Variants in AIG1 observed in about 807,000 individuals in gnomAD.
The protein encoded by AIG1 is androgen induced 1.
AIG1 carries 23 observed loss-of-function variants against 31.4 expected under a neutral mutation model. That is an observed-to-expected ratio of 0.73 (90% CI 0.53 to 1.04). The LOEUF is 1.04. Ranked by LOEUF, AIG1 falls within the 50% of genes least tolerant of loss-of-function variation. AIG1 has a pLI of 0.00. For missense variants in AIG1, 274 were observed against 295.0 expected (o/e 0.93, Z 0.52); for synonymous variants, 100 against 110.5 (o/e 0.90, Z 0.60).
rs1777192359 is a variant in AIG1 at position 143,070,971 on chromosome 6, C to T, written c.141+9905C>T. On this transcript the variant is annotated intron_variant, in intron 1 of 5. Transcript: ENST00000357847. Reference sequence around the variant, plus strand: ...CACCCACTTTCTCCCAGTGGTTACACCTTGCAAAACTGTATTATAATATCA... The same window carrying T: ...CACCCACTTTCTCCCAGTGGTTACATCTTGCAAAACTGTATTATAATATCA... 3.3e-5 allele frequency among the ~76,000 whole-genome samples: 5 copies of T among 152,180 alleles called. No homozygotes were observed. In the South Asian group the frequency reaches 1.0e-3, roughly 32 times the overall value.
At chr6:143,198,050 G>A (rs1253762233) in intron 3 of AIG1, among the ~76,000 whole-genome samples, 1 of 152,182 alleles carries the variant, frequency 6.6e-6, no homozygotes, top group Admixed American at 6.5e-5. Flanking sequence ...TACAGCAATA[G>A]TGGATATTTT....
chr6:143,139,573 C>T (rs1044116999), intron 2 of AIG1, among the ~76,000 whole-genome samples: 1 of 151,976 alleles, frequency 6.6e-6, no homozygotes, highest in Non-Finnish European at 1.5e-5. Context: ...CTTTCATAAT[C>T]ATCCCTGTTA....
At chr6:143,090,203 A>C (rs1489584476) in intron 1 of AIG1, among the ~76,000 whole-genome samples, 1 of 152,320 alleles carries the variant, frequency 6.6e-6, no homozygotes, top group Non-Finnish European at 1.5e-5. Context: ...TGTTTCTTTG[A>C]CAAATACTTA....
In AIG1 at chr6:143,187,614, CCTTT is replaced by C. The variant is rs147123315; in HGVS notation, c.399+22438_399+22441del. 1.4e-4 allele frequency: 221 copies of C among 1,536,120 alleles called. No homozygotes were observed. In the East Asian group the frequency reaches 5.1e-3, roughly 35 times the overall value. On this transcript the variant is annotated intron_variant, in intron 3 of 5. Coordinates refer to ENST00000357847, the MANE Select transcript of AIG1 (RefSeq NM_016108.4). ...AGAAGGCAATTAAAAGATGTTGCGA[CCTTT>C]CTTTCTGCAGCATTTCAAAGCTTAA...
chr6:143,127,462 T>C (rs969249534), intron 1 of AIG1, among the ~76,000 whole-genome samples: 28 of 152,210 alleles, frequency 1.8e-4, no homozygotes, highest in Non-Finnish European at 3.5e-4. Flanking sequence ...ATAATCAAAA[T>C]GTGGAACACC....
At position 143,328,751 on chromosome 6, in the gene AIG1, A is replaced by G. The variant is rs918602506; in HGVS notation, c.516-4531A>G. Among the ~76,000 whole-genome samples the G allele has an allele frequency of 5.3e-5, 8 of 152,226 alleles. No individual in the cohort carries two copies. Among genetic ancestry groups the G allele is most frequent in the Admixed American group, 2.0e-4 (3 of 15,282 alleles). ...ATAAATGTTATTTTTTTAATTGTACATAAACGTGAATGCAAACGGAGGTAC... is the reference window on the plus strand; with the variant it reads ...ATAAATGTTATTTTTTTAATTGTACGTAAACGTGAATGCAAACGGAGGTAC... On this transcript the variant is annotated intron_variant, in intron 4 of 5. Transcript: ENST00000357847. The surrounding 1 kb of genome is among the most constrained non-coding windows in gnomAD (Gnocchi z 4.0).
chr6:143,109,542 C>T (rs1217585215), intron 1 of AIG1, among the ~76,000 whole-genome samples: 1 of 152,006 alleles, frequency 6.6e-6, no homozygotes, highest in East Asian at 1.9e-4. Context: ...ACGTTTTTTT[C>T]TGATTTATTA....
intron 3 of AIG1, among the ~76,000 whole-genome samples, chr6:143,283,184 G>C (rs1448126749): frequency 1.3e-5 from 2 of 152,180 alleles, no homozygotes; most frequent in African/African-American, 4.8e-5. Flanking sequence ...AAGAATTTTA[G>C]TTTCCTTTCT....
At chr6:143,161,953 AT>A (rs1786423356) in intron 2 of AIG1, among the ~76,000 whole-genome samples, 2 of 152,282 alleles carry the variant, frequency 1.3e-5, no homozygotes, top group African/African-American at 4.8e-5. Flanking sequence ...AGGCAGTGCA[AT>A]AAAAAAAAAG....
intron 3 of AIG1, among the ~76,000 whole-genome samples, chr6:143,221,504 G>T (rs1177263298): frequency 6.6e-6 from 1 of 151,882 alleles, no homozygotes; most frequent in East Asian, 1.9e-4. Flanking sequence ...CAAATTTTCT[G>T]TTCTGTTCCA....
chr6:143,174,440 C>A (rs1583416143), intron 3 of AIG1, among the ~76,000 whole-genome samples: 2 of 146,790 alleles, frequency 1.4e-5, no homozygotes, highest in East Asian at 4.2e-4. Context: ...TGAGCAGAGA[C>A]CATACCATTG....
intron 4 of AIG1, among the ~76,000 whole-genome samples, chr6:143,289,351 C>T (rs1024099794): frequency 4.6e-5 from 7 of 152,072 alleles, no homozygotes; most frequent in African/African-American, 1.7e-4. Context: ...TTTGTTTTGT[C>T]AGTCTTATGA....
intron 3 of AIG1, among the ~76,000 whole-genome samples, chr6:143,172,163 T>C (rs1041169098): frequency 2.0e-5 from 3 of 152,218 alleles, no homozygotes; most frequent in African/African-American, 7.2e-5. Flanking sequence ...TTGTTTCTTT[T>C]GCTGTGCAGA....
Position 143,327,452 on chromosome 6 carries a change from A to G in AIG1, c.516-5830A>G. The stretch of plus-strand genomic sequence containing the variant: ...GAAATTTGCCACGAAGGAGATGGGA[A>G]CTCCAGATTTGCGCATTGATACCAG... On this transcript the variant is annotated intron_variant, in intron 4 of 5. Coordinates refer to ENST00000357847, the MANE Select transcript of AIG1 (RefSeq NM_016108.4). This position sits in a 1 kb window ranked among gnomAD's most constrained non-coding sequence, Gnocchi z 5.3. 1 of 384,722 alleles carries G rather than the reference A, an allele frequency of 2.6e-6. No homozygotes were observed. Among genetic ancestry groups the G allele is most frequent in the Admixed American group, 3.0e-5 (1 of 33,482 alleles). The allele number at this position is 384,722 out of a possible 1,614,324, so 23.8% of individuals were successfully genotyped here. A position where few individuals can be genotyped will look rare whatever the true frequency, so the allele number is the denominator to read the frequency against.
chr6:143,202,510 C>A (rs1790780146), intron 3 of AIG1, among the ~76,000 whole-genome samples: 1 of 152,134 alleles, frequency 6.6e-6, no homozygotes, highest in African/African-American at 2.4e-5. Context: ...TTAATGTTTC[C>A]TTTGCATATC....
chr6:143,136,880 T>G lies in AIG1; in HGVS notation c.187T>G (p.Ser63Ala), dbSNP rs750020133. The G allele has an allele frequency of 1.3e-6, 2 of 1,527,932 alleles. No individual in the cohort carries two copies. Among genetic ancestry groups the G allele is most frequent in the South Asian group, 2.5e-5 (2 of 79,338 alleles). 94.6% of individuals were successfully genotyped at this position (1,527,932 alleles called of 1,614,324 possible). ...FFGICVLTDL[S>A]SLLTRGSGNQ... is the part of the protein sequence containing the mutation. ...TGGCATCTGTGTGCTGACTGATCTT[T>G]CCAGTCTTCTGACTCGAGGAAGTGG... Residue 63 changes from serine to alanine, a missense_variant, in exon 2 of 6, where the codon TCC becomes GCC. Ser to Ala is a moderately conservative substitution (Grantham distance 99, BLOSUM62 1). Around this residue, in one of 2 missense-constraint regions of AIG1, gnomAD observed 243 missense variants for 238.5 expected, o/e 1.02. Transcript: ENST00000357847.
chr6:143,319,023 G>A (rs898988672), intron 4 of AIG1, among the ~76,000 whole-genome samples: 4 of 152,166 alleles, frequency 2.6e-5, no homozygotes, highest in African/African-American at 9.7e-5. Flanking sequence ...TTACACTGCT[G>A]ATGGGAATGT....
Position 143,280,477 on chromosome 6 carries a change from C to T in AIG1, c.400-3633C>T, listed in dbSNP as rs904129140. 3.9e-5 allele frequency among the ~76,000 whole-genome samples: 6 copies of T among 152,162 alleles called. No individual in the cohort carries two copies. The East Asian group carries it at 1.2e-3, about 29-fold the overall frequency. ...CGAAAACATGGAATCAACCTAAATG[C>T]CTATCAGTGACAGATTGGATAAGGA... On this transcript the variant is annotated intron_variant, in intron 3 of 5. Transcript: ENST00000357847. This position sits in a 1 kb window ranked among gnomAD's most constrained non-coding sequence, Gnocchi z 4.1.
rs553644109 is a variant in AIG1, at chr6:143,282,443, G to A, written c.400-1667G>A. 3.3e-5 allele frequency among the ~76,000 whole-genome samples: 5 copies of A among 152,252 alleles called. No homozygotes were observed. In the East Asian group the frequency reaches 9.6e-4, roughly 29 times the overall value. ...CAAACTGTTGGCGACATTCCAGGCC[G>A]ATGTCATCTGAGGTAACTAGATTAT... On this transcript the variant is annotated intron_variant, in intron 3 of 5. Coordinates refer to ENST00000357847, the MANE Select transcript of AIG1 (RefSeq NM_016108.4).
Sources: allele counts gnomAD v4.1 joint callset (sites outside exome capture counted in the v4.1 genomes callset), GRCh38; gene constraint gnomAD v4.1.1; regional missense constraint gnomAD v4.1.1; non-coding constraint Gnocchi (gnomAD v3.1); transcripts MANE v1.5; gene names NCBI Gene and HGNC (gene_info 2026-07-23, HGNC 2026-07-21).